ADCY5: variants seen among roughly 807,000 people sequenced by gnomAD.
ADCY5 encodes the protein adenylate cyclase type 5.
Under a neutral mutation model 119.7 loss-of-function variants are expected in ADCY5, and 30 were observed. The ratio of observed to expected loss-of-function variants is 0.25; its 90% CI spans 0.19 to 0.34. The LOEUF is 0.34. Ranked by LOEUF, ADCY5 falls within the 10% of genes least tolerant of loss-of-function variation. The pLI, the probability that ADCY5 is intolerant of heterozygous loss-of-function variation, is 1.00. For synonymous variants in ADCY5, 753 were observed against 762.2 expected, an observed-to-expected ratio of 0.99 and a Z score of 0.20; for missense variants, 1,324 against 1,775.2, an observed-to-expected ratio of 0.75 and a Z score of 4.57.
chr3:123,322,305 A>C (rs1024252456), intron 8 of ADCY5, among the ~76,000 whole-genome samples: 2 of 152,178 alleles, frequency 1.3e-5, no homozygotes, highest in African/African-American at 2.4e-5. Context: ...ATGGTTCAAA[A>C]ATAGGCCGAA....
At chr3:123,364,151 T>C (rs549881652) in intron 1 of ADCY5, among the ~76,000 whole-genome samples, 30 of 152,192 alleles carry the variant, frequency 2.0e-4, no homozygotes, top group African/African-American at 6.8e-4. Flanking sequence ...GCTTTTTTAC[T>C]TTTTTTCTTT....
At chr3:123,357,808 G>T (rs1357129032) in intron 1 of ADCY5, among the ~76,000 whole-genome samples, 1 of 152,198 alleles carries the variant, frequency 6.6e-6, no homozygotes, top group Non-Finnish European at 1.5e-5. Context: ...CTTATGAATA[G>T]TGGGGAGGTA....
Position 123,448,332 on chromosome 3 carries a change from G to T in ADCY5, c.214C>A (p.Arg72Ser). 6.5e-7 allele frequency: 1 copy of T among 1,531,826 alleles called. No homozygotes were observed. Among genetic ancestry groups the T allele is most frequent in the South Asian group, 1.2e-5 (1 of 84,004 alleles). 94.9% of individuals were successfully genotyped at this position (1,531,826 alleles called of 1,614,324 possible). A position where few individuals can be genotyped will look rare whatever the true frequency, so the allele number is the denominator to read the frequency against. Residue 72 changes from arginine (R) to serine (S), a missense_variant, in exon 1 of 21, where the codon CGC becomes AGC. Around this residue, in one of 6 missense-constraint regions of ADCY5, gnomAD observed 585 missense variants for 569.9 expected, o/e 1.03. Transcript: ENST00000462833. ...TPQQQQRLAS[R>S]WRSDDDDDPP... ...TCGTCGTCGTCGTCGCTGCGCCAGCGGCTGGCCAGGCGCTGCTGCTGCTGC... is the reference window on the plus strand; with the variant it reads ...TCGTCGTCGTCGTCGCTGCGCCAGCTGCTGGCCAGGCGCTGCTGCTGCTGC...
chr3:123,341,853 G>T (rs1942296214), intron 3 of ADCY5, among the ~76,000 whole-genome samples: 2 of 151,930 alleles, frequency 1.3e-5, no homozygotes, highest in Admixed American at 6.6e-5. Context: ...CTCAGTAAAT[G>T]TTTGTGGAAT....
chr3:123,426,571 T>A lies in ADCY5; in HGVS notation c.1134+20841A>T, dbSNP rs188390935. 5.7e-3 allele frequency among the ~76,000 whole-genome samples: 861 copies of A among 152,252 alleles called. 7 individuals carry two copies. The highest frequency in any genetic ancestry group is 8.7e-3 in the Non-Finnish European group (595 of 68,014). ...CAAACTCCTAGGAGACCTCAGGTGA[T>A]CTGCCCATCTCAGCCTCCCAAAGTG... On this transcript the variant is annotated intron_variant, in intron 1 of 20. Transcript: ENST00000462833.
intron 1 of ADCY5, among the ~76,000 whole-genome samples, chr3:123,408,260 G>A (rs764306445): frequency 3.9e-5 from 6 of 152,086 alleles, no homozygotes; most frequent in Admixed American, 1.3e-4. Flanking sequence ...TATGAGAATC[G>A]AGTGAGATAA....
intron 3 of ADCY5, among the ~76,000 whole-genome samples, chr3:123,345,984 C>T (rs9289218): frequency 0.46 from 69,425 of 152,148 alleles, 17,158 homozygotes; most frequent in East Asian, 0.7. Context: ...ACTTAACCAA[C>T]GAGAGGACAA....
chr3:123,364,752 G>T (rs1943373887), intron 1 of ADCY5, among the ~76,000 whole-genome samples: 1 of 151,884 alleles, frequency 6.6e-6, no homozygotes, highest in Non-Finnish European at 1.5e-5. Flanking sequence ...CATTCATTAC[G>T]GAACACTTCG....
intron 1 of ADCY5, among the ~76,000 whole-genome samples, chr3:123,438,188 C>T (rs1414426333): frequency 2.0e-5 from 3 of 152,206 alleles, no homozygotes; most frequent in South Asian, 4.1e-4. Flanking sequence ...ATGCCCTCCC[C>T]GCAGTAGGTT....
chr3:123,435,454 A>T (rs1317848442), intron 1 of ADCY5, among the ~76,000 whole-genome samples: 1 of 152,162 alleles, frequency 6.6e-6, no homozygotes, highest in African/African-American at 2.4e-5. Flanking sequence ...CCAGTAGAAG[A>T]TTTAACCAAT....
chr3:123,392,684 G>T, intron 1 of ADCY5, among the ~76,000 whole-genome samples: 1 of 152,006 alleles, frequency 6.6e-6, no homozygotes. Flanking sequence ...CTCTCTGCAT[G>T]TCTCTCTTTC....
chr3:123,334,934 C>A (rs1941953126), intron 3 of ADCY5, among the ~76,000 whole-genome samples: 1 of 152,192 alleles, frequency 6.6e-6, no homozygotes, highest in East Asian at 1.9e-4. Context: ...GTACTCTTTA[C>A]TAAGCCTGTC....
intron 1 of ADCY5, among the ~76,000 whole-genome samples, chr3:123,444,179 G>T (rs1225944738): frequency 2.0e-5 from 3 of 152,270 alleles, no homozygotes; most frequent in Non-Finnish European, 4.4e-5. Flanking sequence ...ATGCTCCAGT[G>T]TTATTTATGG....
rs572048999 is a variant in ADCY5 at position 123,438,868 on chromosome 3, T to G, written c.1134+8544A>C. Among the ~76,000 whole-genome samples the G allele has an allele frequency of 5.4e-4, 82 of 152,118 alleles. 1 individual carries two copies. The highest frequency in any genetic ancestry group is 2.0e-3 in the African/African-American group (81 of 41,500). On this transcript the variant is annotated intron_variant, in intron 1 of 20. Coordinates refer to ENST00000462833, the MANE Select transcript of ADCY5 (RefSeq NM_183357.3). Reference sequence around the variant, plus strand: ...CTCAAGAGATCCTTCCACCTCAGCCTCCCAGGTAGCTAGGACTATAGGTGC... The same window carrying G: ...CTCAAGAGATCCTTCCACCTCAGCCGCCCAGGTAGCTAGGACTATAGGTGC...
chr3:123,334,060 T>TGGGAA (rs994890881), intron 3 of ADCY5, among the ~76,000 whole-genome samples: 1 of 152,130 alleles, frequency 6.6e-6, no homozygotes. Flanking sequence ...TCCTTTGAAA[T>TGGGAA]GGGAAGGGAA....
chr3:123,333,079 ATG>A (rs774440459), intron 3 of ADCY5, among the ~76,000 whole-genome samples: 1 of 152,136 alleles, frequency 6.6e-6, no homozygotes, highest in Non-Finnish European at 1.5e-5. Flanking sequence ...CTAATGCCCA[ATG>A]TGATGGTATT....
chr3:123,388,347 G>A (rs1157285802), intron 1 of ADCY5, among the ~76,000 whole-genome samples: 1 of 152,162 alleles, frequency 6.6e-6, no homozygotes, highest in Non-Finnish European at 1.5e-5. Flanking sequence ...AGAGGGAGTT[G>A]TCAAGGATGA....
At chr3:123,346,617 CTCTCTCT>C (rs1397812423) in intron 3 of ADCY5, among the ~76,000 whole-genome samples, 1 of 58,724 alleles carries the variant, frequency 1.7e-5, no homozygotes, top group African/African-American at 4.5e-5. Context: ...TTCTCTCTCT[CTCTCTCT>C]CTCTCTCTCT....
Position 123,387,007 on chromosome 3 carries a change from G to A in ADCY5, c.1135-34426C>T, listed in dbSNP as rs911929541. ...GAAAGTGCTGGACCTTCAAGGAGAGGAGAAACAGGTACTCCCTCAGGCTCC... is the reference window on the plus strand; with the variant it reads ...GAAAGTGCTGGACCTTCAAGGAGAGAAGAAACAGGTACTCCCTCAGGCTCC... On this transcript the variant is annotated intron_variant, in intron 1 of 20. Transcript: ENST00000462833. 3.3e-5 allele frequency among the ~76,000 whole-genome samples: 5 copies of A among 152,286 alleles called. No individual in the cohort carries two copies. In the East Asian group the frequency reaches 9.6e-4, roughly 29 times the overall value.
Sources: allele counts gnomAD v4.1 joint callset (sites outside exome capture counted in the v4.1 genomes callset), GRCh38; gene constraint gnomAD v4.1.1; regional missense constraint gnomAD v4.1.1; transcripts MANE v1.5; gene names NCBI Gene and HGNC (gene_info 2026-07-23, HGNC 2026-07-21).